The following THRB variants were observed in gnomAD, a reference collection of about 807,000 sequenced individuals.
The protein encoded by THRB is nuclear receptor subfamily 1 group A member 2.
A neutral mutation model predicts 47.8 loss-of-function variants in THRB; 12 were observed. The ratio of observed to expected loss-of-function variants is 0.25; its 90% CI spans 0.16 to 0.41. The LOEUF is 0.41. Ranked by LOEUF, THRB falls within the 10% of genes least tolerant of loss-of-function variation. The pLI is 1.00. For synonymous variants in THRB, 218 were observed against 212.2 expected, an observed-to-expected ratio of 1.03 and a Z score of -0.24; for missense variants, 348 against 589.2, an observed-to-expected ratio of 0.59 and a Z score of 4.24.
chr3:24,342,993 T>C (rs2062777618), intron 1 of THRB, among the ~76,000 whole-genome samples: 1 of 152,126 alleles, frequency 6.6e-6, no homozygotes, highest in South Asian at 2.1e-4. Context: ...TTGAAAGACT[T>C]GGTTCTAATC....
intron 2 of THRB, among the ~76,000 whole-genome samples, chr3:24,331,243 T>C (rs1248484480): frequency 1.3e-5 from 2 of 151,970 alleles, no homozygotes; most frequent in Admixed American, 6.6e-5. Context: ...AACTCATAAG[T>C]CTACTCCTCC....
intron 3 of THRB, among the ~76,000 whole-genome samples, chr3:24,286,135 G>A (rs1475355136): frequency 1.3e-5 from 2 of 152,200 alleles, no homozygotes; most frequent in African/African-American, 4.8e-5. Flanking sequence ...CAGTGAATCT[G>A]CTGATACCTT....
chr3:24,255,955 G>C (rs138911688), intron 3 of THRB, among the ~76,000 whole-genome samples: 80 of 152,302 alleles, frequency 5.3e-4, no homozygotes, highest in Middle Eastern at 3.4e-3. Context: ...GGTAACTGAA[G>C]GTGTCAACAT....
At chr3:24,472,020 T>C (rs1050714310) in intron 1 of THRB, among the ~76,000 whole-genome samples, 1 of 152,192 alleles carries the variant, frequency 6.6e-6, no homozygotes, top group African/African-American at 2.4e-5. Context: ...TAAGAAGAGT[T>C]TCTTTTCTCT....
chr3:24,160,557 G>T (rs2038654005), intron 5 of THRB, among the ~76,000 whole-genome samples: 1 of 152,154 alleles, frequency 6.6e-6, no homozygotes, highest in Admixed American at 6.5e-5. Flanking sequence ...ACAACAGCTG[G>T]TACCGAGGGA....
intron 1 of THRB, among the ~76,000 whole-genome samples, chr3:24,343,470 G>A (rs909056044): frequency 2.6e-5 from 4 of 152,104 alleles, no homozygotes; most frequent in Non-Finnish European, 4.4e-5. Flanking sequence ...CGAAACAAGC[G>A]CAAGAGTACT....
At chr3:24,146,921 T>C in intron 6 of THRB, 99 bp from the exon 7 acceptor site, 3 of 1,120,912 alleles carry the variant, frequency 2.7e-6, no homozygotes, top group Middle Eastern at 2.7e-4. Flanking sequence ...TGAATCGTTT[T>C]GGACCTTAAC....
intron 2 of THRB, among the ~76,000 whole-genome samples, chr3:24,317,222 T>G (rs73148386): frequency 6.6e-6 from 1 of 152,312 alleles, no homozygotes; most frequent in East Asian, 1.9e-4. Flanking sequence ...TTATTTAATA[T>G]CTTGGTGCCT....
intron 3 of THRB, among the ~76,000 whole-genome samples, chr3:24,285,055 C>A (rs993895485): frequency 6.6e-6 from 1 of 151,918 alleles, no homozygotes; most frequent in African/African-American, 2.4e-5. Context: ...CTAGACATAC[C>A]ATTTGACCCA....
chr3:24,282,733 T>C (rs1464457556), intron 3 of THRB, among the ~76,000 whole-genome samples: 1 of 148,530 alleles, frequency 6.7e-6, no homozygotes, highest in Non-Finnish European at 1.5e-5. Context: ...ATAGACGCAA[T>C]AAAAAATGAT....
At chr3:24,316,381 T>C (rs1452042853) in intron 2 of THRB, among the ~76,000 whole-genome samples, 1 of 152,044 alleles carries the variant, frequency 6.6e-6, no homozygotes, top group Non-Finnish European at 1.5e-5. Context: ...CCTTCCTTTT[T>C]TCTCTTTTCC....
At chr3:24,211,775 CTCTT>C (rs902353444) in intron 4 of THRB, among the ~76,000 whole-genome samples, 5 of 152,188 alleles carry the variant, frequency 3.3e-5, no homozygotes, top group African/African-American at 1.2e-4. Flanking sequence ...GTTCTTCAGA[CTCTT>C]TGTTTTTCCG....
At chr3:24,459,425 C>T (rs1200044588) in intron 1 of THRB, 1 of 152,154 alleles carries the variant, frequency 6.6e-6, no homozygotes, top group Non-Finnish European at 1.5e-5. Flanking sequence ...AATGAACATA[C>T]CTGTGCATGT....
intron 4 of THRB, among the ~76,000 whole-genome samples, chr3:24,223,044 G>A (rs2047313510): frequency 1.3e-5 from 2 of 152,190 alleles, no homozygotes; most frequent in African/African-American, 2.4e-5. Context: ...GCGGAGCCGA[G>A]GGTCGTGTTG....
At chr3:24,240,386 A>G (rs2049363501) in intron 3 of THRB, among the ~76,000 whole-genome samples, 2 of 152,160 alleles carry the variant, frequency 1.3e-5, no homozygotes, top group Non-Finnish European at 2.9e-5. Flanking sequence ...CGAAGAATCT[A>G]AAAAGTAAAA....
chr3:24,435,429 G>A (rs555804807), intron 1 of THRB, among the ~76,000 whole-genome samples: 1 of 152,156 alleles, frequency 6.6e-6, no homozygotes, highest in Non-Finnish European at 1.5e-5. Context: ...ATCAGCTGCT[G>A]TGCCAAATGT....
Position 24,121,497 on chromosome 3 carries a change from C to G in THRB, c.*1387G>C, listed in dbSNP as rs770859627. ...TCAATTGCATGGGTACATTCTATGC[C>G]CATTTTCTGACGCTGAAGAGATGAA... On this transcript the variant is annotated 3_prime_UTR_variant, in exon 11 of 11. Coordinates refer to ENST00000646209, the MANE Select transcript of THRB (RefSeq NM_001354712.2). 6.6e-6 allele frequency: 1 copy of G among 152,538 alleles called. No homozygotes were observed. Among genetic ancestry groups the G allele is most frequent in the Admixed American group, 6.6e-5 (1 of 15,262 alleles). 9.4% of individuals were successfully genotyped at this position (152,538 alleles called of 1,614,324 possible).
At chr3:24,399,111 G>A (rs1246668045) in intron 1 of THRB, among the ~76,000 whole-genome samples, 1 of 151,878 alleles carries the variant, frequency 6.6e-6, no homozygotes, top group Non-Finnish European at 1.5e-5. Context: ...ATAGCATTAG[G>A]AGATATACCT....
intron 1 of THRB, among the ~76,000 whole-genome samples, chr3:24,369,141 A>G (rs2064719607): frequency 6.6e-6 from 1 of 152,262 alleles, no homozygotes; most frequent in East Asian, 1.9e-4. Flanking sequence ...ACTCACCATA[A>G]TTCTATAAAG....
Sources: allele counts gnomAD v4.1 joint callset (sites outside exome capture counted in the v4.1 genomes callset), GRCh38; gene constraint gnomAD v4.1.1; transcripts MANE v1.5; gene names NCBI Gene and HGNC (gene_info 2026-07-23, HGNC 2026-07-21).